The following SLC14A2 variants were observed in gnomAD, a reference collection of about 807,000 sequenced individuals.
SLC14A2 encodes the protein solute carrier family 14 member 2.
A neutral mutation model predicts 104.6 loss-of-function variants in SLC14A2; 91 were observed. The observed-to-expected ratio is 0.87, with a 90% CI of 0.73 to 1.04. SLC14A2 has a LOEUF of 1.04. SLC14A2 is among the 50% of genes least tolerant of loss of function. The pLI is 0.00. For missense variants in SLC14A2, 1,189 were observed against 1,156.0 expected, an observed-to-expected ratio of 1.03 and a Z score of -0.41; for synonymous variants, 476 against 466.4, an observed-to-expected ratio of 1.02 and a Z score of -0.27.
intron 1 of SLC14A2, among the ~76,000 whole-genome samples, chr18:45,414,757 A>AAATATATATATATATATAT (rs1360051908): frequency 3.9e-5 from 3 of 76,110 alleles, no homozygotes; most frequent in Admixed American, 1.7e-4. Context: ...AAAAAAAAAA[A>AAATATATATATATATATAT]ATATATATAT....
At chr18:45,251,525 T>A (rs150756139) in intron 1 of SLC14A2, among the ~76,000 whole-genome samples, 1 of 152,324 alleles carries the variant, frequency 6.6e-6, no homozygotes, top group Non-Finnish European at 1.5e-5. Context: ...ACATACTGAA[T>A]GGCTTAAACA....
chr18:45,435,043 G>T (rs955698203), intron 1 of SLC14A2, among the ~76,000 whole-genome samples: 4 of 152,114 alleles, frequency 2.6e-5, no homozygotes, highest in Non-Finnish European at 4.4e-5. Context: ...TCAAGACTCT[G>T]TTTATAATAA....
chr18:45,340,976 T>C (rs909206248), intron 1 of SLC14A2, among the ~76,000 whole-genome samples: 3 of 152,066 alleles, frequency 2.0e-5, no homozygotes, highest in Non-Finnish European at 4.4e-5. Context: ...AGTTGCTGTA[T>C]TGGAGAAGAT....
chr18:45,305,484 T>G (rs1208304721), intron 1 of SLC14A2, among the ~76,000 whole-genome samples: 1 of 152,188 alleles, frequency 6.6e-6, no homozygotes, highest in Non-Finnish European at 1.5e-5. Flanking sequence ...GGATGGGTTT[T>G]ATTATTAATA....
At chr18:45,370,243 C>T (rs1337128986) in intron 1 of SLC14A2, among the ~76,000 whole-genome samples, 2 of 152,134 alleles carry the variant, frequency 1.3e-5, no homozygotes, top group Non-Finnish European at 2.9e-5. Flanking sequence ...TGTCTAGCCC[C>T]CACTTCAACC....
At chr18:45,324,672 G>A (rs554310491) in intron 1 of SLC14A2, among the ~76,000 whole-genome samples, 46 of 152,180 alleles carry the variant, frequency 3.0e-4, no homozygotes, top group African/African-American at 9.9e-4. Context: ...AGCCAGGGGA[G>A]GTTGTGAAAT....
chr18:45,194,935 A>G, the SLC14A2 span, among the ~76,000 whole-genome samples: 1 of 151,940 alleles, frequency 6.6e-6, no homozygotes, highest in South Asian at 2.1e-4. Context: ...TTTAATATCA[A>G]CCTTGTAGAC....
At chr18:45,563,168 G>A (rs962949193) in intron 2 of SLC14A2, among the ~76,000 whole-genome samples, 1 of 152,196 alleles carries the variant, frequency 6.6e-6, no homozygotes, top group Non-Finnish European at 1.5e-5. Flanking sequence ...TAGAATGAGA[G>A]GCAGGTGGTC....
chr18:45,362,754 C>T (rs765573542), intron 1 of SLC14A2, among the ~76,000 whole-genome samples: 3 of 152,240 alleles, frequency 2.0e-5, no homozygotes, highest in Non-Finnish European at 4.4e-5. Flanking sequence ...TATAGCATCA[C>T]TCACACTGCA....
intron 2 of SLC14A2, among the ~76,000 whole-genome samples, chr18:45,544,539 T>C (rs1427242537): frequency 6.6e-6 from 1 of 151,982 alleles, no homozygotes; most frequent in Non-Finnish European, 1.5e-5. Flanking sequence ...TTGGATGAAA[T>C]ATGTGGTTAT....
intron 1 of SLC14A2, among the ~76,000 whole-genome samples, chr18:45,308,393 T>C (rs2085045410): frequency 6.6e-6 from 1 of 152,358 alleles, no homozygotes; most frequent in East Asian, 1.9e-4. Flanking sequence ...ACCCATGTGG[T>C]CTAACTCTAG....
intron 1 of SLC14A2, among the ~76,000 whole-genome samples, chr18:45,376,017 C>T (rs2085770675): frequency 6.6e-6 from 1 of 151,308 alleles, no homozygotes; most frequent in African/African-American, 2.4e-5. Flanking sequence ...AACCATTGCC[C>T]AATTTGGAAG....
chr18:45,474,236 C>T (rs146241600), intron 1 of SLC14A2, among the ~76,000 whole-genome samples: 3 of 152,276 alleles, frequency 2.0e-5, no homozygotes, highest in East Asian at 1.9e-4. Context: ...CCCATTTGAT[C>T]GTGGCGGATA....
At chr18:45,379,159 T>G (rs2144375464) in intron 1 of SLC14A2, among the ~76,000 whole-genome samples, 1 of 152,350 alleles carries the variant, frequency 6.6e-6, no homozygotes. Flanking sequence ...ACAATCCATC[T>G]GGCACACTAT....
At chr18:45,417,959 T>A (rs1158548478) in intron 1 of SLC14A2, among the ~76,000 whole-genome samples, 1 of 152,152 alleles carries the variant, frequency 6.6e-6, no homozygotes, top group East Asian at 1.9e-4. Context: ...TCCAATCAAA[T>A]GAAGCTAAAT....
intron 10 of SLC14A2, among the ~76,000 whole-genome samples, chr18:45,663,455 C>T (rs866589054): frequency 2.6e-4 from 40 of 152,178 alleles, no homozygotes; most frequent in Admixed American, 2.5e-3. Context: ...AAGTCCAAGA[C>T]GCTGGCTGCC....
At chr18:45,403,399 T>C (rs1025499431) in intron 1 of SLC14A2, among the ~76,000 whole-genome samples, 1 of 152,324 alleles carries the variant, frequency 6.6e-6, no homozygotes, top group African/African-American at 2.4e-5. Context: ...AATTCTACCA[T>C]AGAACCTCAT....
At chr18:45,452,352 A>C (rs750780779) in intron 1 of SLC14A2, among the ~76,000 whole-genome samples, 4 of 152,224 alleles carry the variant, frequency 2.6e-5, no homozygotes, top group Non-Finnish European at 4.4e-5. Context: ...ATTGCCAATC[A>C]TCCAAGAGTG....
At chr18:45,563,990 T>C (rs534356504) in intron 2 of SLC14A2, among the ~76,000 whole-genome samples, 1 of 152,346 alleles carries the variant, frequency 6.6e-6, no homozygotes, top group South Asian at 2.1e-4. Context: ...TTATGAAACT[T>C]ACTAACCAGA....
Sources: allele counts gnomAD v4.1 joint callset (sites outside exome capture counted in the v4.1 genomes callset), GRCh38; gene constraint gnomAD v4.1.1; transcripts MANE v1.5; gene names NCBI Gene and HGNC (gene_info 2026-07-23, HGNC 2026-07-21).